Variants in COL9A1 observed in about 807,000 individuals in gnomAD.
COL9A1 encodes the protein collagen alpha-1(IX) chain.
COL9A1 carries 104 observed loss-of-function variants against 142.6 expected under a neutral mutation model. The ratio of observed to expected loss-of-function variants is 0.73; its 90% CI spans 0.62 to 0.86. The LOEUF (loss-of-function observed/expected upper bound fraction) is 0.86. Ranked by LOEUF, COL9A1 falls within the 40% of genes least tolerant of loss-of-function variation. COL9A1 has a pLI of 0.00. For synonymous variants in COL9A1, 466 were observed against 396.0 expected (o/e 1.18, Z -2.10); for missense variants, 1,210 against 1,176.6 (o/e 1.03, Z -0.42).
Position 70,241,122 on chromosome 6 carries a change from G to A in COL9A1, c.2034+297C>T, listed in dbSNP as rs566475387. 5.0e-4 allele frequency among the ~76,000 whole-genome samples: 76 copies of A among 152,304 alleles called. 1 individual carries two copies. The South Asian group carries it at 0.015, about 31-fold the overall frequency. On this transcript the variant is annotated intron_variant, in intron 31 of 37. Transcript: ENST00000357250. The stretch of plus-strand genomic sequence containing the variant: ...CCTAAGACATTCTAATGTGGCTGTG[G>A]AAGGCTCCATTGGATATGAATAAAC...
In COL9A1 at chr6:70,274,759, G is replaced by A; in HGVS notation, c.989C>T (p.Pro330Leu). Residue 330 changes from proline to leucine, a missense_variant, in exon 11 of 38, where the codon CCT becomes CTT. Pro to Leu is a moderately conservative substitution (Grantham distance 98, BLOSUM62 -3). Transcript: ENST00000357250. Reference protein sequence around the residue: ...GTPGADGLTGPDGSPGSIGSK... With the variant: ...GTPGADGLTGLDGSPGSIGSK... ...CCCAATGGAGCCAGGGGATCCATCAGGTCCTGTTAATCCCTAATAGAGCAA... is the reference window on the plus strand; with the variant it reads ...CCCAATGGAGCCAGGGGATCCATCAAGTCCTGTTAATCCCTAATAGAGCAA... The A allele has an allele frequency of 1.2e-6, 2 of 1,612,588 alleles. No individual in the cohort carries two copies. Among genetic ancestry groups the A allele is most frequent in the Non-Finnish European group, 1.7e-6 (2 of 1,178,804 alleles).
Position 70,270,992 on chromosome 6 carries a change from A to G in COL9A1, c.1144-625T>C, listed in dbSNP as rs531476177. On this transcript the variant is annotated intron_variant, in intron 14 of 37. Coordinates refer to ENST00000357250, the MANE Select transcript of COL9A1 (RefSeq NM_001851.6). Reference sequence around the variant, plus strand: ...TCCTTCTTGATGTTCTGCCATAAAGAGTCGGAAGCACCTCCCAATTATTTT... The same window carrying G: ...TCCTTCTTGATGTTCTGCCATAAAGGGTCGGAAGCACCTCCCAATTATTTT... Among the ~76,000 whole-genome samples, 5 of 152,376 alleles carry G rather than the reference A, an allele frequency of 3.3e-5. No individual in the cohort carries two copies. In the South Asian group the frequency reaches 1.0e-3, roughly 32 times the overall value.
At chr6:70,236,076 G>A (rs912328799) in intron 33 of COL9A1, among the ~76,000 whole-genome samples, 1 of 122,378 alleles carries the variant, frequency 8.2e-6, no homozygotes, top group South Asian at 2.7e-4. Flanking sequence ...TCGCACCACT[G>A]CACTCCAGCC....
In COL9A1 at chr6:70,278,945, G is replaced by T. The variant is rs558589114; in HGVS notation, c.975+1867C>A. Among the ~76,000 whole-genome samples, 8 of 152,264 alleles carry T rather than the reference G, an allele frequency of 5.3e-5. No homozygotes were observed. The East Asian group carries it at 1.2e-3, about 22-fold the overall frequency. ...TAAGCTACAAAAGCACTATTAAATT[G>T]GGGGACAGATAAGTCCAGCTTTCTG... On this transcript the variant is annotated intron_variant, in intron 10 of 37. Transcript: ENST00000357250.
intron 10 of COL9A1, among the ~76,000 whole-genome samples, chr6:70,275,390 C>G (rs1772690788): frequency 6.6e-6 from 1 of 151,980 alleles, no homozygotes; most frequent in South Asian, 2.1e-4. Context: ...ATGCATGTTT[C>G]TACATTATTT....
At chr6:70,299,550 A>C (rs1333498234) in intron 4 of COL9A1, among the ~76,000 whole-genome samples, 1 of 152,172 alleles carries the variant, frequency 6.6e-6, no homozygotes, top group Non-Finnish European at 1.5e-5. Flanking sequence ...TGTCGTTAGT[A>C]TTACTATCAT....
In COL9A1 at chr6:70,294,189, T is replaced by A. The variant is rs186444567; in HGVS notation, c.674A>T (p.Asp225Val). 162 of 1,614,060 alleles carry A rather than the reference T, an allele frequency of 1.0e-4. 2 individuals carry two copies. The East Asian group carries it at 3.4e-3, about 34-fold the overall frequency. ...DGFAVLGKLADNPQVSVPFEL... is the reference protein window; with the variant it reads ...DGFAVLGKLAVNPQVSVPFEL... ...TACTGGAACAGAAACTTGAGGATTA[T>A]CTGCAAGTTTTCCCAGCACAGCAAA... Residue 225 changes from aspartate (D) to valine (V), a missense_variant, in exon 5 of 38, where the codon GAT (aspartate) becomes GTT (valine). Asp to Val is a radical substitution (Grantham distance 152). Coordinates refer to ENST00000357250, the MANE Select transcript of COL9A1 (RefSeq NM_001851.6).
intron 31 of COL9A1, 52 bp downstream of exon 31, chr6:70,241,352 CCCCCTTGCTTGTGAA>C: frequency 7.9e-7 from 1 of 1,272,634 alleles, no homozygotes; most frequent in Non-Finnish European, 1.2e-6. Flanking sequence ...ACCAGCCATT[CCCCCTTGCTTGTGAA>C]ATGGTGCATA....
At chr6:70,288,971 G>T (rs1332571397) in intron 5 of COL9A1, among the ~76,000 whole-genome samples, 1 of 152,154 alleles carries the variant, frequency 6.6e-6, no homozygotes, top group Non-Finnish European at 1.5e-5. Flanking sequence ...CTTAGCAGAT[G>T]TTTAATAGTT....
intron 28 of COL9A1, among the ~76,000 whole-genome samples, chr6:70,243,440 A>G (rs1770393519): frequency 6.6e-6 from 1 of 152,230 alleles, no homozygotes; most frequent in Admixed American, 6.5e-5. Context: ...TTTCTAATCT[A>G]TTGAGAAAAA....
chr6:70,280,586 G>A, intron 10 of COL9A1: 1 of 1,367,734 alleles, frequency 7.3e-7, no homozygotes, highest in Non-Finnish European at 9.6e-7. Flanking sequence ...TCTAGGAGGA[G>A]GAAATGCCAA....
rs1042147915 is a variant in COL9A1 at position 70,242,562 on chromosome 6, A to G, written c.1926+100T>C. On this transcript the variant is annotated intron_variant, in intron 29 of 37. Coordinates refer to ENST00000357250, the MANE Select transcript of COL9A1 (RefSeq NM_001851.6). ...CATATTCACATAACAAGAGAAATCAAGTACAGGTAATTCAATTGTAAATTG... is the reference window on the plus strand; with the variant it reads ...CATATTCACATAACAAGAGAAATCAGGTACAGGTAATTCAATTGTAAATTG... 6.8e-6 allele frequency: 7 copies of G among 1,024,808 alleles called. No individual in the cohort carries two copies. In the African/African-American group the frequency reaches 1.1e-4, roughly 16 times the overall value. The allele number at this position is 1,024,808 out of a possible 1,614,324, so 63.5% of individuals were successfully genotyped here.
intron 36 of COL9A1, among the ~76,000 whole-genome samples, chr6:70,226,840 A>G (rs1170728388): frequency 6.6e-6 from 1 of 152,138 alleles, no homozygotes; most frequent in East Asian, 1.9e-4. Flanking sequence ...TCAGAAAAGA[A>G]GATCCTGAAG....
chr6:70,300,100 G>C lies in COL9A1; in HGVS notation c.242C>G (p.Ala81Gly). Residue 81 changes from alanine to glycine, a missense_variant, in exon 4 of 38, where the codon GCT becomes GGT. Coordinates refer to ENST00000357250, the MANE Select transcript of COL9A1 (RefSeq NM_001851.6). Reference sequence around the variant, plus strand: ...CAACTTGTAAGCCACCTGCAATGTAGCTGATCCCACTACTCTCTGGATAGC... The same window carrying C: ...CAACTTGTAAGCCACCTGCAATGTACCTGATCCCACTACTCTCTGGATAGC... Reference protein sequence around the residue: ...RRAIQRVVGSATLQVAYKLGN... With the variant: ...RRAIQRVVGSGTLQVAYKLGN... 1 of 1,613,864 alleles carries C rather than the reference G, an allele frequency of 6.2e-7. No homozygotes were observed. The highest frequency in any genetic ancestry group is 8.5e-7 in the Non-Finnish European group (1 of 1,179,884).
intron 37 of COL9A1, among the ~76,000 whole-genome samples, chr6:70,223,408 G>T (rs1385774860): frequency 6.6e-5 from 10 of 152,190 alleles, no homozygotes; most frequent in Admixed American, 6.5e-4. Context: ...GGAAAACTGA[G>T]GTGTAGAGAA....
At position 70,288,052 on chromosome 6, in the gene COL9A1, C is replaced by T. The variant is rs369275651; in HGVS notation, c.697-4232G>A. On this transcript the variant is annotated intron_variant, in intron 5 of 37. Transcript: ENST00000357250. ...CCAGATGGACCTATCTGTTGAACTC[C>T]GAAAGCATATATCTGCCTATTTACC... 4.3e-4 allele frequency among the ~76,000 whole-genome samples: 65 copies of T among 152,172 alleles called. No homozygotes were observed. In the East Asian group the frequency reaches 0.011, roughly 26 times the overall value.
intron 15 of COL9A1, 66 bp downstream of exon 15, chr6:70,270,248 A>T (rs1448553941): frequency 6.7e-7 from 1 of 1,501,436 alleles, no homozygotes; most frequent in East Asian, 2.3e-5. Flanking sequence ...TCCATTTTGG[A>T]TTCTTAGATT....
intron 5 of COL9A1, among the ~76,000 whole-genome samples, chr6:70,291,702 C>G (rs1303109177): frequency 1.3e-5 from 2 of 152,062 alleles, no homozygotes; most frequent in Non-Finnish European, 2.9e-5. Context: ...GTTTTTCCTG[C>G]AAAGTAAATT....
At chr6:70,296,680 A>G (rs1308288031) in intron 4 of COL9A1, among the ~76,000 whole-genome samples, 4 of 152,220 alleles carry the variant, frequency 2.6e-5, no homozygotes, top group Non-Finnish European at 5.9e-5. Context: ...TGTACATCTT[A>G]CCTAACTTAC....
Sources: allele counts gnomAD v4.1 joint callset (sites outside exome capture counted in the v4.1 genomes callset), GRCh38; gene constraint gnomAD v4.1.1; transcripts MANE v1.5; gene names NCBI Gene and HGNC (gene_info 2026-07-23, HGNC 2026-07-21).